The following SUGCT variants were observed in gnomAD, a reference collection of about 807,000 sequenced individuals.
The protein encoded by SUGCT is succinyl-CoA:glutarate-CoA transferase, also known as succinyl-CoA:glutarate CoA-transferase.
Under a neutral mutation model 55.0 loss-of-function variants are expected in SUGCT, and 41 were observed. The observed-to-expected ratio is 0.74, with a 90% confidence interval of 0.58 to 0.97. The LOEUF (loss-of-function observed/expected upper bound fraction) is 0.97. Ranked by LOEUF, SUGCT falls within the 50% of genes least tolerant of loss-of-function variation. The pLI, the probability that SUGCT is intolerant of heterozygous loss-of-function variation, is 0.00. For synonymous variants in SUGCT, 187 were observed against 200.4 expected, an observed-to-expected ratio of 0.93 and a Z score of 0.56; for missense variants, 568 against 547.8, an observed-to-expected ratio of 1.04 and a Z score of -0.37.
intron 9 of SUGCT, among the ~76,000 whole-genome samples, chr7:40,436,260 C>T (rs1050160281): frequency 2.6e-5 from 4 of 151,958 alleles, no homozygotes; most frequent in Non-Finnish European, 4.4e-5. Context: ...CTTCCTAGTA[C>T]TGCACTTACT....
chr7:40,241,491 ATTGG>A (rs371127055), intron 7 of SUGCT, among the ~76,000 whole-genome samples: 41 of 151,404 alleles, frequency 2.7e-4, no homozygotes, highest in African/African-American at 9.9e-4. Flanking sequence ...AAGCAAGAGA[ATTGG>A]TTGAACCCGG....
intron 7 of SUGCT, among the ~76,000 whole-genome samples, chr7:40,242,933 A>ATATATATATATATATATATT (rs1270335224): frequency 1.2e-4 from 2 of 17,216 alleles, no homozygotes; most frequent in Non-Finnish European, 1.2e-4. Flanking sequence ...ATATATATAT[A>ATATATATATATATATATATT]TTTTTTTTTT....
intron 9 of SUGCT, among the ~76,000 whole-genome samples, chr7:40,405,088 G>T (rs962629291): frequency 2.0e-5 from 3 of 152,146 alleles, no homozygotes; most frequent in African/African-American, 7.2e-5. Flanking sequence ...AAGCTGCATA[G>T]CAAATCAAAG....
chr7:40,254,457 G>A (rs1415525080), intron 7 of SUGCT, among the ~76,000 whole-genome samples: 2 of 152,002 alleles, frequency 1.3e-5, no homozygotes, highest in Non-Finnish European at 2.9e-5. Flanking sequence ...GAGTGCAGTG[G>A]TGTGATCTCG....
chr7:40,544,828 A>G (rs1377857737), intron 12 of SUGCT, among the ~76,000 whole-genome samples: 1 of 152,222 alleles, frequency 6.6e-6, no homozygotes, highest in African/African-American at 2.4e-5. Flanking sequence ...ACATAGCAGA[A>G]CACATGGTGT....
At chr7:40,313,231 T>C (rs1344814859) in intron 8 of SUGCT, among the ~76,000 whole-genome samples, 1 of 152,218 alleles carries the variant, frequency 6.6e-6, no homozygotes, top group African/African-American at 2.4e-5. Context: ...GAGTAAATTA[T>C]ATAGCGTCCA....
chr7:40,508,578 G>C (rs559477133), intron 12 of SUGCT, among the ~76,000 whole-genome samples: 2 of 143,268 alleles, frequency 1.4e-5, no homozygotes, highest in South Asian at 4.5e-4. Context: ...TGATGGTGGA[G>C]GTTAATGGAA....
At chr7:40,601,909 C>A (rs558945513) in intron 12 of SUGCT, among the ~76,000 whole-genome samples, 2 of 152,084 alleles carry the variant, frequency 1.3e-5, no homozygotes, top group Non-Finnish European at 2.9e-5. Flanking sequence ...CAAAGTGTAT[C>A]TAAAAAAGGA....
At chr7:40,985,198 G>A in the SUGCT span, among the ~76,000 whole-genome samples, 4 of 152,156 alleles carry the variant, frequency 2.6e-5, no homozygotes, top group Non-Finnish European at 5.9e-5. Flanking sequence ...TTGTATCAGG[G>A]CTTTAAAAAG....
At chr7:40,163,465 C>A (rs530360206) in intron 1 of SUGCT, among the ~76,000 whole-genome samples, 1 of 151,868 alleles carries the variant, frequency 6.6e-6, no homozygotes, top group African/African-American at 2.4e-5. Context: ...ATTAGCCGGG[C>A]GTGGTGGCGC....
chr7:40,950,896 G>A, the SUGCT span, among the ~76,000 whole-genome samples: 9 of 152,058 alleles, frequency 5.9e-5, no homozygotes, highest in Non-Finnish European at 1.0e-4. Flanking sequence ...GATGTTCATC[G>A]GGGATATTGG....
intron 9 of SUGCT, among the ~76,000 whole-genome samples, chr7:40,353,330 G>C (rs1797733942): frequency 6.6e-6 from 1 of 152,132 alleles, no homozygotes; most frequent in Non-Finnish European, 1.5e-5. Flanking sequence ...TCACCCAGGA[G>C]CTTCATATTA....
intron 9 of SUGCT, among the ~76,000 whole-genome samples, chr7:40,320,372 C>T (rs1369532458): frequency 6.6e-6 from 1 of 152,220 alleles, no homozygotes; most frequent in East Asian, 1.9e-4. Context: ...TCCCAAAGTG[C>T]TGGGATTACA....
chr7:40,412,551 T>C (rs1220466509), intron 9 of SUGCT, among the ~76,000 whole-genome samples: 2 of 152,214 alleles, frequency 1.3e-5, no homozygotes, highest in African/African-American at 2.4e-5. Context: ...TTGTCGAATT[T>C]GTTTAGATTT....
intron 12 of SUGCT, among the ~76,000 whole-genome samples, chr7:40,608,332 A>G (rs528155040): frequency 6.6e-6 from 1 of 152,224 alleles, no homozygotes; most frequent in South Asian, 2.1e-4. Context: ...ACTCTTAGCA[A>G]TTTGTGTTTT....
chr7:40,706,513 A>T lies in SUGCT; in HGVS notation c.1090-42921A>T, dbSNP rs185201211. ...AGAGCGAGACTCTGTCTCAAAAAAA[A>T]GAAGAGAAAAGTCAGCATGATAAGA... is the stretch of plus-strand genomic sequence containing the variant. On this transcript the variant is annotated intron_variant, in intron 12 of 13. Coordinates refer to ENST00000335693, the MANE Select transcript of SUGCT (RefSeq NM_001193313.2). Among the ~76,000 whole-genome samples the T allele has an allele frequency of 2.3e-4, 35 of 152,320 alleles. No homozygotes were observed. The East Asian group carries it at 6.0e-3, about 26-fold the overall frequency.
At chr7:40,935,320 T>A in the SUGCT span, among the ~76,000 whole-genome samples, 1 of 151,752 alleles carries the variant, frequency 6.6e-6, no homozygotes, top group Admixed American at 6.5e-5. Flanking sequence ...TTTACAAAGT[T>A]GTGCAACCAT....
the SUGCT span, among the ~76,000 whole-genome samples, chr7:41,020,664 C>T: frequency 6.6e-6 from 1 of 152,184 alleles, no homozygotes; most frequent in Admixed American, 6.5e-5. Flanking sequence ...TGCTCTCCCA[C>T]ACCCTGGGTA....
chr7:40,839,828 G>A (rs1339470965), intron 13 of SUGCT, among the ~76,000 whole-genome samples: 3 of 109,406 alleles, frequency 2.7e-5, no homozygotes, highest in Admixed American at 1.8e-4. Context: ...ACATCCAAGT[G>A]ACTATTCTAC....
Sources: gnomAD v4.1 joint callset for allele counts (sites outside exome capture counted in the v4.1 genomes callset) on GRCh38, gnomAD v4.1.1 for gene constraint, MANE v1.5 for transcripts, NCBI Gene and HGNC (gene_info 2026-07-23, HGNC 2026-07-21) for gene names.